The following GRID2 variants were observed in gnomAD, a reference collection of about 807,000 sequenced individuals.
GRID2 encodes glutamate ionotropic receptor delta type subunit 2.
GRID2 carries 33 observed loss-of-function variants against 114.8 expected under a neutral mutation model. The ratio of observed to expected loss-of-function variants is 0.29; its 90% CI spans 0.22 to 0.38. The LOEUF is 0.38. Among genes scored for constraint, GRID2 ranks in the 10% least tolerant of loss-of-function variants. The pLI, the probability that GRID2 is intolerant of heterozygous loss-of-function variation, is 1.00. For synonymous variants in GRID2, 505 were observed against 449.9 expected (o/e 1.12, Z -1.55); for missense variants, 1,184 against 1,257.7 (o/e 0.94, Z 0.89).
chr4:93,585,170 T>A (rs1190333477), intron 13 of GRID2, among the ~76,000 whole-genome samples: 3 of 152,098 alleles, frequency 2.0e-5, no homozygotes, highest in African/African-American at 2.4e-5. Context: ...AGCAATTTCT[T>A]TGATTGAGTT....
At chr4:93,789,649 T>C (rs1734658778) in intron 1 of GRID2, among the ~76,000 whole-genome samples, 1 of 152,212 alleles carries the variant, frequency 6.6e-6, no homozygotes, top group African/African-American at 2.4e-5. Flanking sequence ...TTTTCTATTC[T>C]CATCAGAATA....
chr4:93,133,116 C>T (rs1039103658), intron 4 of GRID2, among the ~76,000 whole-genome samples: 1 of 152,156 alleles, frequency 6.6e-6, no homozygotes, highest in Non-Finnish European at 1.5e-5. Flanking sequence ...TCAACTATAG[C>T]TTTTCCTTTG....
chr4:93,614,183 G>T (rs561366322), intron 13 of GRID2, among the ~76,000 whole-genome samples: 1 of 152,160 alleles, frequency 6.6e-6, no homozygotes, highest in Non-Finnish European at 1.5e-5. Flanking sequence ...CGCACGGTGC[G>T]TGCACCCACT....
intron 9 of GRID2, among the ~76,000 whole-genome samples, chr4:93,403,521 T>G (rs1766111045): frequency 1.3e-5 from 2 of 152,044 alleles, no homozygotes; most frequent in Admixed American, 1.3e-4. Flanking sequence ...TAACTCAGTA[T>G]GAAGAAATAT....
chr4:92,605,312 TAAG>T (rs1729404775), intron 2 of GRID2, among the ~76,000 whole-genome samples: 1 of 152,022 alleles, frequency 6.6e-6, no homozygotes, highest in Non-Finnish European at 1.5e-5. Context: ...CTTTCAAAAA[TAAG>T]AATCATAATT....
At chr4:92,785,412 T>G (rs1289867393) in intron 2 of GRID2, among the ~76,000 whole-genome samples, 1 of 151,420 alleles carries the variant, frequency 6.6e-6, no homozygotes. Flanking sequence ...TATTGTTTTC[T>G]TTCATTAAAA....
intron 2 of GRID2, chr4:92,885,032 C>G (rs562015064): frequency 3.7e-6 from 1 of 273,540 alleles, no homozygotes; most frequent in African/African-American, 2.3e-5. Context: ...AGCTGAAAAA[C>G]AGGAACAGAT....
chr4:93,213,960 C>A lies in GRID2; in HGVS notation c.790-2778C>A, dbSNP rs568214076. Reference sequence around the variant, plus strand: ...TTTTTGGGAAAAAAGGCTTCCTTAGCCTAAATAAGTAAAATAGAAAAGTTA... The same window carrying A: ...TTTTTGGGAAAAAAGGCTTCCTTAGACTAAATAAGTAAAATAGAAAAGTTA... On this transcript the variant is annotated intron_variant, in intron 5 of 15. Coordinates refer to ENST00000282020, the MANE Select transcript of GRID2 (RefSeq NM_001510.4). 2.6e-5 allele frequency among the ~76,000 whole-genome samples: 4 copies of A among 151,834 alleles called. No homozygotes were observed. The East Asian group carries it at 7.7e-4, about 29-fold the overall frequency.
chr4:93,521,181 AC>A (rs1730302363), intron 13 of GRID2, among the ~76,000 whole-genome samples: 1 of 152,114 alleles, frequency 6.6e-6, no homozygotes, highest in South Asian at 2.1e-4. Flanking sequence ...GATTGAGAAA[AC>A]CATGACAAGA....
chr4:92,347,792 T>C (rs1727847253), intron 1 of GRID2, among the ~76,000 whole-genome samples: 1 of 152,168 alleles, frequency 6.6e-6, no homozygotes, highest in South Asian at 2.1e-4. Context: ...TTTTCTGTTC[T>C]TTGAGATGAT....
intron 1 of GRID2, among the ~76,000 whole-genome samples, chr4:92,306,785 A>G (rs1342425996): frequency 6.6e-6 from 1 of 152,196 alleles, no homozygotes; most frequent in Non-Finnish European, 1.5e-5. Context: ...CTATAATCAC[A>G]TTTAAAAATT....
chr4:92,431,871 G>A (rs62311044), intron 1 of GRID2, among the ~76,000 whole-genome samples: 3,106 of 152,288 alleles, frequency 0.02, 44 homozygotes, highest in Non-Finnish European at 0.033. Context: ...CATTCTTCTG[G>A]AAAAGGCTTT....
chr4:92,564,546 G>A (rs891231107), intron 1 of GRID2, among the ~76,000 whole-genome samples: 4 of 151,832 alleles, frequency 2.6e-5, no homozygotes, highest in Non-Finnish European at 5.9e-5. Flanking sequence ...ATTGAAGAAG[G>A]CCATCTCTTT....
At chr4:92,556,479 C>G (rs1309748740) in intron 1 of GRID2, among the ~76,000 whole-genome samples, 2 of 151,918 alleles carry the variant, frequency 1.3e-5, no homozygotes, top group African/African-American at 4.8e-5. Context: ...TATTATTTTG[C>G]AGTGTATTAG....
Position 92,862,468 on chromosome 4 carries a change from T to C in GRID2, c.245-222527T>C, listed in dbSNP as rs149914501. ...TTGGCTTTAATAATTGCTTGTGTTC[T>C]GATTTTTAAACTTCTATTAGTCGGC... On this transcript the variant is annotated intron_variant, in intron 2 of 15. Transcript: ENST00000282020. Among the ~76,000 whole-genome samples, 564 of 152,216 alleles carry C rather than the reference T, an allele frequency of 3.7e-3. 2 individuals are homozygous for C. The highest frequency in any genetic ancestry group is 0.013 in the African/African-American group (539 of 41,566).
chr4:92,990,613 C>A (rs1452596762), intron 2 of GRID2, among the ~76,000 whole-genome samples: 2 of 151,904 alleles, frequency 1.3e-5, no homozygotes, highest in Non-Finnish European at 2.9e-5. Flanking sequence ...CCACACCCAT[C>A]ACATTTTCTG....
intron 14 of GRID2, among the ~76,000 whole-genome samples, chr4:93,762,822 C>T (rs1024830959): frequency 2.0e-5 from 3 of 151,982 alleles, no homozygotes; most frequent in Admixed American, 6.6e-5. Context: ...GCCTCGCATG[C>T]GGGGTTAGAG....
intron 13 of GRID2, among the ~76,000 whole-genome samples, chr4:93,601,441 T>C (rs973678874): frequency 6.6e-6 from 1 of 152,162 alleles, no homozygotes; most frequent in Non-Finnish European, 1.5e-5. Flanking sequence ...TTTCCTGGGG[T>C]TTACTCTTTT....
chr4:93,093,922 T>C (rs1730989087), intron 3 of GRID2, among the ~76,000 whole-genome samples: 1 of 152,070 alleles, frequency 6.6e-6, no homozygotes, highest in South Asian at 2.1e-4. Context: ...AAGTAGCTAC[T>C]ATCAAGTTCA....
Sources: allele counts gnomAD v4.1 joint callset (sites outside exome capture counted in the v4.1 genomes callset), GRCh38; gene constraint gnomAD v4.1.1; transcripts MANE v1.5; gene names NCBI Gene and HGNC (gene_info 2026-07-23, HGNC 2026-07-21).